Variants in SAMTOR observed in about 807,000 individuals in gnomAD.
SAMTOR encodes UPF0532 protein C7orf60.
chr7:112,914,658 T>G, the SAMTOR span, among the ~76,000 whole-genome samples: 3 of 152,212 alleles, frequency 2.0e-5, no homozygotes, highest in Non-Finnish European at 4.4e-5. Flanking sequence ...TTTACTTGAA[T>G]CTAAATAATT....
the SAMTOR span, among the ~76,000 whole-genome samples, chr7:112,854,429 A>T: frequency 6.6e-6 from 1 of 152,150 alleles, no homozygotes; most frequent in Non-Finnish European, 1.5e-5. Context: ...AAAGTAGATG[A>T]AAAAAATTCT....
At chr7:112,895,478 A>G in the SAMTOR span, 1 of 892,120 alleles carries the variant, frequency 1.1e-6, no homozygotes, top group East Asian at 2.8e-5. Flanking sequence ...TGGAGGAGCA[A>G]GTAAACTGCT....
the SAMTOR span, chr7:112,915,548 G>A: frequency 3.0e-4 from 266 of 901,446 alleles, 1 homozygote; most frequent in African/African-American, 4.3e-3. Context: ...ATAAATACAA[G>A]CAAAATTATA....
chr7:112,874,780 A>G, the SAMTOR span, among the ~76,000 whole-genome samples: 11 of 152,306 alleles, frequency 7.2e-5, no homozygotes, highest in African/African-American at 2.4e-4. Flanking sequence ...TTACCTAGCT[A>G]GAAATACAGT....
the SAMTOR span, among the ~76,000 whole-genome samples, chr7:112,902,416 C>CAAAAAAAAAACAAAAAAAAAAAA: frequency 8.1e-5 from 1 of 12,320 alleles, no homozygotes; most frequent in Non-Finnish European, 1.4e-4. Flanking sequence ...AACTCCGTCT[C>CAAAAAAAAAACAAAAAAAAAAAA]AAAAAAAAAA....
At chr7:112,892,723 G>C in the SAMTOR span, among the ~76,000 whole-genome samples, 1 of 151,012 alleles carries the variant, frequency 6.6e-6, no homozygotes, top group East Asian at 1.9e-4. Flanking sequence ...TGTGAGCTGT[G>C]ATCATGCCAC....
the SAMTOR span, among the ~76,000 whole-genome samples, chr7:112,899,798 A>AAAAAAAAAAG: frequency 6.6e-6 from 1 of 151,618 alleles, no homozygotes; most frequent in African/African-American, 2.4e-5. Flanking sequence ...GGAAAAAAAA[A>AAAAAAAAAAG]AAAAAAGGAA....
At chr7:112,917,610 C>T in the SAMTOR span, among the ~76,000 whole-genome samples, 5 of 152,198 alleles carry the variant, frequency 3.3e-5, no homozygotes, top group Non-Finnish European at 5.9e-5. Context: ...ATGACTTTGA[C>T]AAGCTGAGAG....
chr7:112,854,499 A>G, the SAMTOR span, among the ~76,000 whole-genome samples: 7 of 152,240 alleles, frequency 4.6e-5, no homozygotes, highest in African/African-American at 1.7e-4. Flanking sequence ...ATTGGCTCAT[A>G]GAATTAATGA....
the SAMTOR span, among the ~76,000 whole-genome samples, chr7:112,920,248 G>A: frequency 0.023 from 3,471 of 152,134 alleles, 66 homozygotes; most frequent in Admixed American, 0.042. Flanking sequence ...AAGCTTATCC[G>A]CCATGATCAA....
At chr7:112,834,327 G>C in the SAMTOR span, among the ~76,000 whole-genome samples, 1 of 149,752 alleles carries the variant, frequency 6.7e-6, no homozygotes, top group Admixed American at 6.7e-5. Context: ...TATATTCCTT[G>C]GTATTTCCTA....
chr7:112,866,190 C>T, the SAMTOR span, among the ~76,000 whole-genome samples: 3 of 152,086 alleles, frequency 2.0e-5, no homozygotes, highest in Admixed American at 1.3e-4. Context: ...ATTATTTTTA[C>T]ATGCTTTTCT....
chr7:112,935,457 G>A, the SAMTOR span, among the ~76,000 whole-genome samples: 2 of 152,138 alleles, frequency 1.3e-5, no homozygotes, highest in Non-Finnish European at 2.9e-5. Flanking sequence ...AGTGTTTGCT[G>A]AAGAATAGTC....
the SAMTOR span, among the ~76,000 whole-genome samples, chr7:112,862,222 T>C: frequency 6.6e-6 from 1 of 152,182 alleles, no homozygotes; most frequent in South Asian, 2.1e-4. Context: ...GCCACTGCAC[T>C]CCAGCCTGGG....
At chr7:112,928,070 A>G in the SAMTOR span, among the ~76,000 whole-genome samples, 1 of 152,064 alleles carries the variant, frequency 6.6e-6, no homozygotes, top group African/African-American at 2.4e-5. Context: ...TAGCACATTC[A>G]TTAATTTAAA....
At chr7:112,834,609 A>G in the SAMTOR span, among the ~76,000 whole-genome samples, 1 of 152,156 alleles carries the variant, frequency 6.6e-6, no homozygotes, top group African/African-American at 2.4e-5. Context: ...CGTCAGACCC[A>G]GGACACGAAT....
chr7:112,922,172 G>A, the SAMTOR span, among the ~76,000 whole-genome samples: 1 of 152,218 alleles, frequency 6.6e-6, no homozygotes, highest in African/African-American at 2.4e-5. Context: ...TGGCCGGGCT[G>A]GTCTCCAGCT....
the SAMTOR span, chr7:112,821,966 C>T: frequency 2.5e-6 from 4 of 1,613,122 alleles, no homozygotes; most frequent in Non-Finnish European, 3.4e-6. Context: ...CTGGGTAGTT[C>T]CTACTAACCA....
the SAMTOR span, among the ~76,000 whole-genome samples, chr7:112,878,992 C>T: frequency 3.3e-5 from 5 of 151,530 alleles, no homozygotes; most frequent in Non-Finnish European, 5.9e-5. Flanking sequence ...ACCAGATGTG[C>T]GAAGTAAAAC....
Sources: allele counts gnomAD v4.1 joint callset (sites outside exome capture counted in the v4.1 genomes callset), GRCh38; gene constraint gnomAD v4.1.1; transcripts MANE v1.5; gene names NCBI Gene and HGNC (gene_info 2026-07-23, HGNC 2026-07-21).